HHLA2: variants seen among roughly 807,000 people sequenced by gnomAD.
The protein encoded by HHLA2 is HHLA2 member of B7 family.
Under a neutral mutation model 45.9 loss-of-function variants are expected in HHLA2, and 48 were observed. The ratio of observed to expected loss-of-function variants is 1.05; its 90% CI spans 0.83 to 1.33. The LOEUF (loss-of-function observed/expected upper bound fraction) is 1.33. HHLA2 is among the 40% of genes most tolerant of loss of function. The pLI, the probability that HHLA2 is intolerant of heterozygous loss-of-function variation, is 0.00. For synonymous variants in HHLA2, 161 were observed against 173.9 expected (o/e 0.93, Z 0.59); for missense variants, 462 against 494.3 (o/e 0.93, Z 0.62).
At chr3:108,353,334 A>C in intron 4 of HHLA2, 93 bp from the exon 4 acceptor site, 1 of 748,384 alleles carries the variant, frequency 1.3e-6, no homozygotes, top group Non-Finnish European at 2.1e-6. Context: ...TCAGGCTGCT[A>C]ACCTAGGATA....
At chr3:108,359,824 C>G (rs2081958343) in intron 7 of HHLA2, among the ~76,000 whole-genome samples, 5 of 152,086 alleles carry the variant, frequency 3.3e-5, no homozygotes, top group Admixed American at 3.3e-4. Context: ...GTTCCAAGAC[C>G]CCCAGTGGAT....
At chr3:108,333,222 G>A (rs1224944607) in intron 3 of HHLA2, among the ~76,000 whole-genome samples, 1 of 152,126 alleles carries the variant, frequency 6.6e-6, no homozygotes, top group Admixed American at 6.5e-5. Flanking sequence ...AAATTATGTG[G>A]CTAATTCTGG....
At chr3:108,333,870 G>A (rs1424008073) in intron 3 of HHLA2, among the ~76,000 whole-genome samples, 6 of 152,088 alleles carry the variant, frequency 3.9e-5, no homozygotes, top group African/African-American at 1.4e-4. Flanking sequence ...TTATGCTGGG[G>A]TCTTTTTGGC....
chr3:108,312,208 C>A (rs937598277), intron 2 of HHLA2, among the ~76,000 whole-genome samples: 14 of 152,232 alleles, frequency 9.2e-5, no homozygotes, highest in African/African-American at 2.4e-4. Flanking sequence ...TCCCTCCAGC[C>A]TTATGGGTTA....
At chr3:108,330,621 GA>G (rs1161656505) in intron 3 of HHLA2, among the ~76,000 whole-genome samples, 1 of 152,118 alleles carries the variant, frequency 6.6e-6, no homozygotes, top group African/African-American at 2.4e-5. Flanking sequence ...GGGATGATGT[GA>G]AATGGTGGGT....
At chr3:108,305,549 C>T (rs1057299425) in intron 1 of HHLA2, among the ~76,000 whole-genome samples, 1 of 152,074 alleles carries the variant, frequency 6.6e-6, no homozygotes. Flanking sequence ...TCATCTAGTC[C>T]CTTTAATAGC....
chr3:108,315,632 T>A (rs1486175603), intron 2 of HHLA2, among the ~76,000 whole-genome samples: 1 of 152,322 alleles, frequency 6.6e-6, no homozygotes, highest in Middle Eastern at 3.4e-3. Flanking sequence ...CATGGGAGAA[T>A]AGAGTCGTGA....
intron 8 of HHLA2, among the ~76,000 whole-genome samples, chr3:108,368,784 G>A (rs1311535299): frequency 2.0e-5 from 3 of 152,026 alleles, no homozygotes; most frequent in Non-Finnish European, 4.4e-5. Flanking sequence ...ATAATAGTGG[G>A]AGAGTTTAAC....
At position 108,357,909 on chromosome 3, in the gene HHLA2, TCA is replaced by T; in HGVS notation, c.753_754del (p.Pro252LysfsTer33). ...ATGTCAACCTGTAAATGATTATTTT[TCA>T]CCAAACCAAGACTTCAAAGTTACTT... On this transcript the variant is annotated frameshift_variant, in exon 7 of 11. Transcript: ENST00000619531. LOFTEE classifies it high-confidence loss of function. The T allele has an allele frequency of 1.2e-6, 2 of 1,613,906 alleles. No individual in the cohort carries two copies. The highest frequency in any genetic ancestry group is 1.7e-6 in the Non-Finnish European group (2 of 1,179,820).
chr3:108,361,046 G>A (rs1352080237), intron 7 of HHLA2, among the ~76,000 whole-genome samples: 1 of 152,168 alleles, frequency 6.6e-6, no homozygotes, highest in Non-Finnish European at 1.5e-5. Flanking sequence ...CATAAGGTTA[G>A]CAGGGTTCTG....
At chr3:108,309,317 G>A (rs1466952680) in intron 1 of HHLA2, among the ~76,000 whole-genome samples, 2 of 152,118 alleles carry the variant, frequency 1.3e-5, no homozygotes, top group Admixed American at 6.5e-5. Flanking sequence ...TGAATTTACT[G>A]TACATATGTA....
At chr3:108,301,963 A>G (rs1414899694) in intron 1 of HHLA2, among the ~76,000 whole-genome samples, 3 of 152,160 alleles carry the variant, frequency 2.0e-5, no homozygotes, top group African/African-American at 7.2e-5. Flanking sequence ...AATCCACATA[A>G]CTGAGCTGAG....
chr3:108,325,870 A>T, intron 2 of HHLA2: 2 of 397,060 alleles, frequency 5.0e-6, no homozygotes, highest in South Asian at 2.2e-5. Flanking sequence ...AACTACTTTG[A>T]CCTCTTTGGC....
chr3:108,305,920 G>A (rs1222292160), intron 1 of HHLA2, among the ~76,000 whole-genome samples: 1 of 152,160 alleles, frequency 6.6e-6, no homozygotes, highest in Non-Finnish European at 1.5e-5. Context: ...GGGGAGTGTG[G>A]GTGATTGCAG....
intron 7 of HHLA2, among the ~76,000 whole-genome samples, chr3:108,360,870 G>T (rs973653917): frequency 5.9e-5 from 9 of 152,204 alleles, no homozygotes; most frequent in Non-Finnish European, 1.3e-4. Context: ...AATAGGTGGA[G>T]AGATTAATAT....
intron 2 of HHLA2, among the ~76,000 whole-genome samples, chr3:108,313,648 C>T (rs1261390649): frequency 6.6e-6 from 1 of 152,210 alleles, no homozygotes; most frequent in Admixed American, 6.5e-5. Flanking sequence ...CTTCACAGAA[C>T]TGACTGCTAC....
chr3:108,347,913 C>T (rs1399891713), intron 3 of HHLA2, among the ~76,000 whole-genome samples: 1 of 152,002 alleles, frequency 6.6e-6, no homozygotes, highest in African/African-American at 2.4e-5. Context: ...GGAGAAAGAA[C>T]AGGATAGTTT....
At chr3:108,321,111 A>T (rs1560202777) in intron 2 of HHLA2, among the ~76,000 whole-genome samples, 1 of 146,300 alleles carries the variant, frequency 6.8e-6, no homozygotes, top group Non-Finnish European at 1.5e-5. Flanking sequence ...AAAAAAAAAA[A>T]AGACTGTGCC....
chr3:108,319,885 C>T (rs1007581856), intron 2 of HHLA2, among the ~76,000 whole-genome samples: 3 of 152,322 alleles, frequency 2.0e-5, no homozygotes, highest in South Asian at 4.1e-4. Context: ...CAGATATCAA[C>T]TAACCATCCC....
Sources: gnomAD v4.1 joint callset for allele counts (sites outside exome capture counted in the v4.1 genomes callset) on GRCh38, gnomAD v4.1.1 for gene constraint, MANE v1.5 for transcripts, NCBI Gene and HGNC (gene_info 2026-07-23, HGNC 2026-07-21) for gene names.